The following HPSE2 variants were observed in gnomAD, a reference collection of about 807,000 sequenced individuals.
HPSE2 encodes heparanase 2 (inactive).
Under a neutral mutation model 60.5 loss-of-function variants are expected in HPSE2, and 38 were observed. That is an observed-to-expected ratio of 0.63 (90% CI 0.48 to 0.82). HPSE2 has a LOEUF of 0.82. HPSE2 is among the 40% of genes least tolerant of loss of function. HPSE2 has a pLI of 0.00. For missense variants in HPSE2, 713 were observed against 740.4 expected, an observed-to-expected ratio of 0.96 and a Z score of 0.43; for synonymous variants, 295 against 293.2, an observed-to-expected ratio of 1.01 and a Z score of -0.06.
intron 3 of HPSE2, among the ~76,000 whole-genome samples, chr10:99,128,284 C>T (rs1589699812): frequency 6.6e-6 from 1 of 152,082 alleles, no homozygotes; most frequent in Non-Finnish European, 1.5e-5. Context: ...TCCTTAAAGA[C>T]CTAGAACCAG....
intron 3 of HPSE2, among the ~76,000 whole-genome samples, chr10:99,008,431 CA>C (rs767344646): frequency 3.5e-4 from 53 of 152,052 alleles, no homozygotes; most frequent in Non-Finnish European, 2.8e-4. Flanking sequence ...AATGAGAGGC[CA>C]AAAGGAAAGA....
chr10:99,123,838 G>C (rs868209203), intron 3 of HPSE2, among the ~76,000 whole-genome samples: 1 of 152,100 alleles, frequency 6.6e-6, no homozygotes, highest in Non-Finnish European at 1.5e-5. Flanking sequence ...GTGAAGAGGA[G>C]ACCTTCAGTG....
chr10:98,661,332 T>C (rs1057197521), intron 6 of HPSE2, among the ~76,000 whole-genome samples: 1 of 152,246 alleles, frequency 6.6e-6, no homozygotes, highest in Non-Finnish European at 1.5e-5. Flanking sequence ...CACTTAGGAT[T>C]GCTTTTAGTT....
At chr10:98,846,989 C>T (rs972565961) in intron 3 of HPSE2, among the ~76,000 whole-genome samples, 6 of 152,126 alleles carry the variant, frequency 3.9e-5, no homozygotes, top group African/African-American at 9.7e-5. Flanking sequence ...ACGTCATGAT[C>T]TCAGAGAAGT....
intron 9 of HPSE2, among the ~76,000 whole-genome samples, chr10:98,593,990 T>C (rs1380060423): frequency 1.3e-5 from 2 of 152,332 alleles, no homozygotes; most frequent in East Asian, 1.9e-4. Context: ...TGTATCTCTA[T>C]AAATATCTAG....
intron 9 of HPSE2, among the ~76,000 whole-genome samples, chr10:98,563,432 T>C (rs1244028796): frequency 6.6e-6 from 1 of 152,154 alleles, no homozygotes; most frequent in African/African-American, 2.4e-5. Context: ...GTACCGGTAG[T>C]GAGTGCTCAT....
At chr10:98,815,269 A>C (rs1951259127) in intron 3 of HPSE2, among the ~76,000 whole-genome samples, 1 of 152,198 alleles carries the variant, frequency 6.6e-6, no homozygotes, top group African/African-American at 2.4e-5. Flanking sequence ...GCAACAGAGC[A>C]AGACACTACC....
the HPSE2 span, among the ~76,000 whole-genome samples, chr10:99,281,072 G>A: frequency 2.6e-3 from 393 of 151,886 alleles, 1 homozygote; most frequent in African/African-American, 8.3e-3. Context: ...GAGTTAGTAC[G>A]TATTAAAAAC....
chr10:98,766,689 C>T (rs1363136539), intron 3 of HPSE2, among the ~76,000 whole-genome samples: 1 of 152,124 alleles, frequency 6.6e-6, no homozygotes, highest in Non-Finnish European at 1.5e-5. Flanking sequence ...CTTTGGGAGG[C>T]TGAGGCAGGC....
At chr10:98,489,929 G>T in intron 10 of HPSE2, 122 bp downstream of exon 10, 1 of 1,086,552 alleles carries the variant, frequency 9.2e-7, no homozygotes, top group Non-Finnish European at 1.4e-6. Context: ...CAGGTATGGT[G>T]ATTCCAGAGG....
intron 9 of HPSE2, among the ~76,000 whole-genome samples, chr10:98,507,970 A>G (rs1250999298): frequency 6.6e-6 from 1 of 152,216 alleles, no homozygotes; most frequent in Non-Finnish European, 1.5e-5. Flanking sequence ...AACAATAACA[A>G]CAACAAAGAC....
At chr10:98,796,833 A>C (rs1279948516) in intron 3 of HPSE2, among the ~76,000 whole-genome samples, 1 of 152,220 alleles carries the variant, frequency 6.6e-6, no homozygotes. Flanking sequence ...AGACAGAGAG[A>C]GACTACATTT....
chr10:99,262,710 T>C, the HPSE2 span, among the ~76,000 whole-genome samples: 1 of 152,186 alleles, frequency 6.6e-6, no homozygotes, highest in Non-Finnish European at 1.5e-5. Flanking sequence ...ACAAGTCTTA[T>C]AGGTTGGTTC....
At chr10:99,220,042 C>A (rs1264996272) in intron 2 of HPSE2, among the ~76,000 whole-genome samples, 6 of 152,160 alleles carry the variant, frequency 3.9e-5, no homozygotes, top group African/African-American at 9.7e-5. Context: ...GTTAGTGTCA[C>A]TTTCTATCTG....
At chr10:99,154,374 G>T (rs1268131857) in intron 2 of HPSE2, among the ~76,000 whole-genome samples, 4 of 77,958 alleles carry the variant, frequency 5.1e-5, no homozygotes, top group African/African-American at 1.4e-4. Flanking sequence ...TACCCTCAAA[G>T]GGAAGCCCAT....
intron 4 of HPSE2, among the ~76,000 whole-genome samples, chr10:98,740,017 T>C (rs954476351): frequency 6.6e-6 from 1 of 152,184 alleles, no homozygotes; most frequent in Non-Finnish European, 1.5e-5. Flanking sequence ...CAATGGTTAA[T>C]ATAAATGTAA....
chr10:99,184,805 TATATATATATATATAGAGAG>T (rs1262923882), intron 2 of HPSE2, among the ~76,000 whole-genome samples: 6 of 34,984 alleles, frequency 1.7e-4, no homozygotes, highest in African/African-American at 3.6e-4. Context: ...TATATATATA[TATATATATATATATAGAGAG>T]AGAGAGAGAG....
chr10:98,790,581 C>G (rs1950633510), intron 3 of HPSE2, among the ~76,000 whole-genome samples: 1 of 152,158 alleles, frequency 6.6e-6, no homozygotes, highest in African/African-American at 2.4e-5. Context: ...GTACTGCATG[C>G]TGACCACAAT....
At chr10:98,581,919 T>C (rs897882404) in intron 9 of HPSE2, among the ~76,000 whole-genome samples, 11 of 152,194 alleles carry the variant, frequency 7.2e-5, no homozygotes, top group African/African-American at 2.7e-4. Flanking sequence ...GTACTCTAGA[T>C]GAAAGTCAAT....
Sources: allele counts gnomAD v4.1 joint callset (sites outside exome capture counted in the v4.1 genomes callset), GRCh38; gene constraint gnomAD v4.1.1; transcripts MANE v1.5; gene names NCBI Gene and HGNC (gene_info 2026-07-23, HGNC 2026-07-21).